The following TMEM117 variants were observed in gnomAD, a reference collection of about 807,000 sequenced individuals.
TMEM117 encodes the protein transmembrane protein 117.
In TMEM117, 27 loss-of-function variants were observed where a neutral mutation model predicts 52.4. That is an observed-to-expected ratio of 0.51 (90% CI 0.38 to 0.71). TMEM117 has a LOEUF of 0.71. TMEM117 is among the 30% of genes least tolerant of loss of function. TMEM117 has a pLI of 0.00. For missense variants in TMEM117, 556 were observed against 630.5 expected, an observed-to-expected ratio of 0.88 and a Z score of 1.26; for synonymous variants, 215 against 206.3, an observed-to-expected ratio of 1.04 and a Z score of -0.36.
intron 3 of TMEM117, among the ~76,000 whole-genome samples, chr12:44,118,076 A>G (rs2138129336): frequency 6.6e-6 from 1 of 152,162 alleles, no homozygotes; most frequent in East Asian, 1.9e-4. Context: ...TTGGAAGGAA[A>G]TTGGGGCAGT....
chr12:44,394,980 T>C, the TMEM117 span, among the ~76,000 whole-genome samples: 1 of 152,212 alleles, frequency 6.6e-6, no homozygotes, highest in Non-Finnish European at 1.5e-5. Context: ...TATAGACTTA[T>C]TTGCTTTGAA....
intron 3 of TMEM117, 142 bp downstream of exon 3, chr12:43,944,484 CT>C: frequency 1.3e-6 from 1 of 786,488 alleles, no homozygotes; most frequent in Non-Finnish European, 1.9e-6. Flanking sequence ...ATGTATTTTT[CT>C]TACCTAAGAC....
In TMEM117 at chr12:44,215,021, A is replaced by G. The variant is rs529399959; in HGVS notation, c.608+3634A>G. Among the ~76,000 whole-genome samples the G allele has an allele frequency of 1.7e-4, 26 of 152,290 alleles. No homozygotes were observed. The East Asian group carries it at 5.0e-3, about 29-fold the overall frequency. ...GGTTTTAGATTAAATAAAAGACAGT[A>G]TTTACATACTTTATGTCACCCACTC... is the stretch of plus-strand genomic sequence containing the variant. On this transcript the variant is annotated intron_variant, in intron 5 of 7. Transcript: ENST00000266534.
chr12:43,994,370 A>G (rs1945994116), intron 3 of TMEM117, among the ~76,000 whole-genome samples: 1 of 152,192 alleles, frequency 6.6e-6, no homozygotes, highest in Admixed American at 6.5e-5. Context: ...CAACAAGAAA[A>G]GTCTTTATCT....
At chr12:44,116,436 C>G (rs559255481) in intron 3 of TMEM117, among the ~76,000 whole-genome samples, 1 of 151,966 alleles carries the variant, frequency 6.6e-6, no homozygotes, top group Non-Finnish European at 1.5e-5. Flanking sequence ...ATTTTTGTAT[C>G]TTTCTCTCAA....
chr12:44,348,456 C>A (rs1006430528), intron 6 of TMEM117, among the ~76,000 whole-genome samples: 3 of 151,832 alleles, frequency 2.0e-5, no homozygotes, highest in Admixed American at 2.0e-4. Flanking sequence ...ACCAATACCC[C>A]CTAGTCCAAA....
chr12:44,307,977 A>G (rs1394261827), intron 6 of TMEM117, among the ~76,000 whole-genome samples: 2 of 152,252 alleles, frequency 1.3e-5, no homozygotes, highest in East Asian at 1.9e-4. Flanking sequence ...AGCATATGAT[A>G]TAGATGACAG....
At chr12:43,996,501 G>A (rs1298496485) in intron 3 of TMEM117, among the ~76,000 whole-genome samples, 1 of 151,986 alleles carries the variant, frequency 6.6e-6, no homozygotes, top group Non-Finnish European at 1.5e-5. Context: ...AAATTAGCTG[G>A]GCGTGGTGGC....
At chr12:44,330,912 G>A (rs554014242) in intron 6 of TMEM117, among the ~76,000 whole-genome samples, 1 of 152,136 alleles carries the variant, frequency 6.6e-6, no homozygotes, top group East Asian at 1.9e-4. Flanking sequence ...TTACTATAAG[G>A]TAATGGCATT....
chr12:43,944,241 A>G lies in TMEM117; in HGVS notation c.309A>G (p.Glu103=), dbSNP rs763106027. 1 of 1,612,654 alleles carries G rather than the reference A, an allele frequency of 6.2e-7. No homozygotes were observed. The highest frequency in any genetic ancestry group is 8.5e-7 in the Non-Finnish European group (1 of 1,179,468). Residue 103 remains glutamate, a synonymous_variant, in exon 3 of 8, where the codon GAA becomes GAG. Coordinates refer to ENST00000266534, the MANE Select transcript of TMEM117 (RefSeq NM_032256.3). The part of the protein sequence containing the change: ...GQLLRLKMFR[E]DHGSWMTMFF... The stretch of plus-strand genomic sequence containing the variant: ...TGCTCCGATTAAAAATGTTTCGAGA[A>G]GATCATGGGTCGTGGATGACAATGT...
intron 5 of TMEM117, among the ~76,000 whole-genome samples, chr12:44,279,757 G>T (rs1055996475): frequency 1.3e-5 from 2 of 152,016 alleles, no homozygotes; most frequent in African/African-American, 2.4e-5. Context: ...CAGGTGATCC[G>T]CCCACCCTGG....
chr12:44,115,540 A>ATT lies in TMEM117; in HGVS notation c.411-27974_411-27973dup, dbSNP rs113273559. 1.5e-3 allele frequency among the ~76,000 whole-genome samples: 224 copies of ATT among 147,010 alleles called. 1 individual carries two copies. The highest frequency in any genetic ancestry group is 2.0e-3 in the African/African-American group (81 of 40,322). ...GAATCTAAGACTCAAATAGTATGGGATTTTTTTTTTTTACTGAAGTCATAT... is the reference window on the plus strand; with the variant it reads ...GAATCTAAGACTCAAATAGTATGGGATTTTTTTTTTTTTTACTGAAGTCATAT... On this transcript the variant is annotated intron_variant, in intron 3 of 7. Coordinates refer to ENST00000266534, the MANE Select transcript of TMEM117 (RefSeq NM_032256.3).
chr12:44,023,652 G>A (rs1196557672), intron 3 of TMEM117, among the ~76,000 whole-genome samples: 1 of 151,778 alleles, frequency 6.6e-6, no homozygotes, highest in Non-Finnish European at 1.5e-5. Flanking sequence ...CATATCCTTT[G>A]CCCACTTTTT....
At chr12:44,152,244 AT>A (rs900481119) in intron 4 of TMEM117, among the ~76,000 whole-genome samples, 6 of 111,324 alleles carry the variant, frequency 5.4e-5, no homozygotes, top group Non-Finnish European at 9.8e-5. Context: ...TATATATATA[AT>A]TATAAATATA....
the TMEM117 span, among the ~76,000 whole-genome samples, chr12:43,821,348 A>C: frequency 2.6e-5 from 4 of 152,148 alleles, no homozygotes. Flanking sequence ...TGGTGTGATC[A>C]TAGCTGGCTG....
intron 2 of TMEM117, among the ~76,000 whole-genome samples, chr12:43,854,310 A>G (rs1943361884): frequency 6.6e-6 from 1 of 152,088 alleles, no homozygotes; most frequent in Non-Finnish European, 1.5e-5. Context: ...TAAGGGGTGG[A>G]GCAAAGGCAA....
intron 4 of TMEM117, among the ~76,000 whole-genome samples, chr12:44,176,232 G>A (rs73099027): frequency 0.1 from 15,807 of 152,154 alleles, 932 homozygotes; most frequent in Middle Eastern, 0.2. Flanking sequence ...ATTTTTAGTA[G>A]AATTTAAGCT....
the TMEM117 span, chr12:43,806,000 A>T: frequency 2.0e-6 from 3 of 1,531,152 alleles, no homozygotes; most frequent in East Asian, 7.4e-5. Flanking sequence ...ATTTCGGATC[A>T]ATCTGCAACG....
intron 3 of TMEM117, among the ~76,000 whole-genome samples, chr12:44,031,343 C>T (rs1437108909): frequency 1.3e-5 from 2 of 152,096 alleles, no homozygotes; most frequent in East Asian, 3.9e-4. Context: ...CTGGGGCTGT[C>T]CTAGAATGTT....
Sources: allele counts gnomAD v4.1 joint callset (sites outside exome capture counted in the v4.1 genomes callset), GRCh38; gene constraint gnomAD v4.1.1; transcripts MANE v1.5; gene names NCBI Gene and HGNC (gene_info 2026-07-23, HGNC 2026-07-21).